CDKN2B: variants seen among roughly 807,000 people sequenced by gnomAD.
The protein encoded by CDKN2B is cyclin-dependent kinase 4 inhibitor B.
In CDKN2B, 8 loss-of-function variants were observed where a neutral mutation model predicts 7.7. That is an observed-to-expected ratio of 1.04 (90% CI 0.61 to 1.87). The LOEUF is 1.87. CDKN2B is among the 40% of genes most tolerant of loss of function. The pLI, the probability that CDKN2B is intolerant of heterozygous loss-of-function variation, is 0.00. For missense variants in CDKN2B, 244 were observed against 213.1 expected (o/e 1.15, Z -0.90); for synonymous variants, 93 against 95.8 (o/e 0.97, Z 0.17).
Position 22,004,141 on chromosome 9 carries a change from A to G in CDKN2B, c.*1846T>C, listed in dbSNP as rs1365669308. 8.6e-6 allele frequency: 2 copies of G among 232,396 alleles called. No individual in the cohort carries two copies. The highest frequency in any genetic ancestry group is 2.2e-5 in the African/African-American group (1 of 45,338). The allele number at this position is 232,396 out of a possible 1,614,324, so 14.4% of individuals were successfully genotyped here. A position where few individuals can be genotyped will look rare whatever the true frequency, so the allele number is the denominator to read the frequency against. ...ATATATTTTAATGCATACCTGGTAC[A>G]GATTATGTGTCAATAAACATATCCT... On this transcript the variant is annotated 3_prime_UTR_variant, in exon 2 of 2. Transcript: ENST00000276925.
rs142570894 is a variant in CDKN2B at position 22,006,155 on chromosome 9, C to A, written c.249G>T (p.Pro83=). The A allele has an allele frequency of 1.3e-5, 21 of 1,611,652 alleles. No homozygotes were observed. The highest frequency in any genetic ancestry group is 1.7e-5 in the Non-Finnish European group (20 of 1,179,864). Residue 83 remains proline, a synonymous_variant, in exon 2 of 2, where the codon CCG becomes CCT. Transcript: ENST00000276925. This position sits in a 1 kb window ranked among gnomAD's most constrained non-coding sequence, Gnocchi z 6.4. ...NCADPATLTR[P]VHDAAREGFL... ...AGCCCTCCCGGGCAGCATCATGCAC[C>A]GGTCGGGTGAGAGTGGCAGGGTCTG...
chr9:22,004,452 A>G lies in CDKN2B; in HGVS notation c.*1535T>C. The G allele has an allele frequency of 4.3e-6, 1 of 232,594 alleles. No homozygotes were observed. 14.4% of individuals were successfully genotyped at this position (232,594 alleles called of 1,614,324 possible). ...TGAATTGCTGGTATTGCTTATGAGCAATTATTACAAACATTGAGAGAAGGG... is the reference window on the plus strand; with the variant it reads ...TGAATTGCTGGTATTGCTTATGAGCGATTATTACAAACATTGAGAGAAGGG... On this transcript the variant is annotated 3_prime_UTR_variant, in exon 2 of 2. Coordinates refer to ENST00000276925, the MANE Select transcript of CDKN2B (RefSeq NM_004936.4).
In CDKN2B at chr9:22,003,669, T is replaced by A. The variant is rs1240933995; in HGVS notation, c.*2318A>T. Reference sequence around the variant, plus strand: ...AGTGCTTAAGTGATAACTAGAAATATATTTTCTGTCCCTGTGCTTCAGTTT... The same window carrying A: ...AGTGCTTAAGTGATAACTAGAAATAAATTTTCTGTCCCTGTGCTTCAGTTT... On this transcript the variant is annotated 3_prime_UTR_variant, in exon 2 of 2. Coordinates refer to ENST00000276925, the MANE Select transcript of CDKN2B (RefSeq NM_004936.4). The A allele has an allele frequency of 1.7e-5, 4 of 230,840 alleles. No individual in the cohort carries two copies. In the Admixed American group the frequency reaches 2.3e-4, roughly 13 times the overall value. The allele number at this position is 230,840 out of a possible 1,614,324, so 14.3% of individuals were successfully genotyped here. A position where few individuals can be genotyped will look rare whatever the true frequency, so the allele number is the denominator to read the frequency against.
In CDKN2B at chr9:22,005,418, T is replaced by C. The variant is rs1025941833; in HGVS notation, c.*569A>G. 4.0e-6 allele frequency: 1 copy of C among 247,096 alleles called. No homozygotes were observed. The highest frequency in any genetic ancestry group is 7.9e-6 in the Non-Finnish European group (1 of 126,268). 15.3% of individuals were successfully genotyped at this position (247,096 alleles called of 1,614,324 possible). Reference sequence around the variant, plus strand: ...TGTCGTTTACGCATGTGACTTGCCATGCGCTCAAACTAAAGCGCCGCCGGG... The same window carrying C: ...TGTCGTTTACGCATGTGACTTGCCACGCGCTCAAACTAAAGCGCCGCCGGG... On this transcript the variant is annotated 3_prime_UTR_variant, in exon 2 of 2. Coordinates refer to ENST00000276925, the MANE Select transcript of CDKN2B (RefSeq NM_004936.4). The surrounding 1 kb of genome is among the most constrained non-coding windows in gnomAD (Gnocchi z 4.9).
rs2131190820 is a variant in CDKN2B at position 22,008,948 on chromosome 9, G to C, written c.6C>G (p.Arg2=). The C allele has an allele frequency of 6.2e-7, 1 of 1,612,934 alleles. No homozygotes were observed. Among genetic ancestry groups the C allele is most frequent in the Non-Finnish European group, 8.5e-7 (1 of 1,179,952 alleles). The change falls in exon 1 of 2, where the codon CGC becomes CGG. Residue 2 remains arginine (R), a synonymous_variant. Coordinates refer to ENST00000276925, the MANE Select transcript of CDKN2B (RefSeq NM_004936.4). The part of the protein sequence containing the change: M[R]EENKGMPSGG... ...CACTGGGCATGCCCTTGTTCTCCTCGCGCATTCCGCAGCCCCCAGACGCGC... is the reference window on the plus strand; with the variant it reads ...CACTGGGCATGCCCTTGTTCTCCTCCCGCATTCCGCAGCCCCCAGACGCGC...
Position 22,006,089 on chromosome 9 carries a change from C to G in CDKN2B, c.315G>C (p.Arg105=). The G allele has an allele frequency of 6.2e-7, 1 of 1,607,960 alleles. No homozygotes were observed. Residue 105 remains arginine (R), a synonymous_variant, in exon 2 of 2, where the codon CGG becomes CGC. Transcript: ENST00000276925. This position sits in a 1 kb window ranked among gnomAD's most constrained non-coding sequence, Gnocchi z 6.4. ...TLVVLHRAGA[R]LDVRDAWGRL... ...GACCCCAGGCATCGCGCACGTCCAG[C>G]CGCGCCCCGGCCCGGTGCAGCACCA...
intron 1 of CDKN2B, among the ~76,000 whole-genome samples, chr9:22,007,561 G>C (rs1406582023): frequency 6.6e-6 from 1 of 152,104 alleles, no homozygotes; most frequent in East Asian, 1.9e-4. Flanking sequence ...CTAAAATCGA[G>C]TTATTTGTTA....
chr9:22,007,349 G>A (rs550327973), intron 1 of CDKN2B, among the ~76,000 whole-genome samples: 1 of 126,928 alleles, frequency 7.9e-6, no homozygotes, highest in Admixed American at 8.8e-5. Flanking sequence ...ACAGAGTGAG[G>A]CCTCATCTCA....
In CDKN2B at chr9:22,003,082, T is replaced by C. The variant is rs1820993230; in HGVS notation, c.*2905A>G. ...AGGACTCATGAAAATAGTAACTATATGTTTTGCATGTATCCTTCAAAGTGA... is the reference window on the plus strand; with the variant it reads ...AGGACTCATGAAAATAGTAACTATACGTTTTGCATGTATCCTTCAAAGTGA... On this transcript the variant is annotated 3_prime_UTR_variant, in exon 2 of 2. Transcript: ENST00000276925. 1 of 213,026 alleles carries C rather than the reference T, an allele frequency of 4.7e-6. No homozygotes were observed. Among genetic ancestry groups the C allele is most frequent in the African/African-American group, 2.3e-5 (1 of 44,246 alleles). 13.2% of individuals were successfully genotyped at this position (213,026 alleles called of 1,614,324 possible).
chr9:22,008,826 A>T lies in CDKN2B; in HGVS notation c.128T>A (p.Val43Asp), dbSNP rs1272001131. The change falls in exon 1 of 2, where the codon GTC becomes GAC. Residue 43 changes from valine to aspartate, a missense_variant. Transcript: ENST00000276925. ...LLEAGADPNGVNRFGRRAIQV... is the reference protein window; with the variant it reads ...LLEAGADPNGDNRFGRRAIQV... ...GATCGCGCGCCTCCCGAAACGGTTG[A>T]CTCCGTTGGGATCCGCGCCGGCTTC... 3.7e-6 allele frequency: 6 copies of T among 1,607,920 alleles called. No individual in the cohort carries two copies. The highest frequency in any genetic ancestry group is 5.1e-6 in the Non-Finnish European group (6 of 1,177,376).
rs1157995763 is a variant in CDKN2B at position 22,005,936 on chromosome 9, G to A, written c.*51C>T. ...TCATCGAATTAGGTGGGTGGGGGTG[G>A]GAAATTGGGTAAGAAAATAAAGTCG... is the stretch of plus-strand genomic sequence containing the variant. On this transcript the variant is annotated 3_prime_UTR_variant, in exon 2 of 2. Transcript: ENST00000276925. The surrounding 1 kb of genome is among the most constrained non-coding windows in gnomAD (Gnocchi z 4.9). 1 of 1,592,744 alleles carries A rather than the reference G, an allele frequency of 6.3e-7. No individual in the cohort carries two copies. Among genetic ancestry groups the A allele is most frequent in the East Asian group, 2.2e-5 (1 of 44,694 alleles).
In CDKN2B at chr9:22,005,360, A is replaced by C. The variant is rs1230485888; in HGVS notation, c.*627T>G. On this transcript the variant is annotated 3_prime_UTR_variant, in exon 2 of 2. Coordinates refer to ENST00000276925, the MANE Select transcript of CDKN2B (RefSeq NM_004936.4). The surrounding 1 kb of genome is among the most constrained non-coding windows in gnomAD (Gnocchi z 4.9). ...CTCTTACCCCTCTGCTATCTGGTGG[A>C]GTTGGGCGAGGGTCTCCAGGGCTTC... is the stretch of plus-strand genomic sequence containing the variant. 2 of 241,970 alleles carry C rather than the reference A, an allele frequency of 8.3e-6. No individual in the cohort carries two copies. Among genetic ancestry groups the C allele is most frequent in the Non-Finnish European group, 1.6e-5 (2 of 123,302 alleles). The allele number at this position is 241,970 out of a possible 1,614,324, so 15.0% of individuals were successfully genotyped here.
intron 1 of CDKN2B, 99 bp downstream of exon 1, chr9:22,008,697 TAC>T: frequency 6.2e-7 from 1 of 1,611,166 alleles, no homozygotes; most frequent in Non-Finnish European, 8.5e-7. Context: ...GAGACTCCTG[TAC>T]AAATCTACAT....
chr9:22,006,121 T>A lies in CDKN2B; in HGVS notation c.283A>T (p.Thr95Ser), dbSNP rs1357609907. The A allele has an allele frequency of 1.2e-6, 2 of 1,610,898 alleles. No homozygotes were observed. The highest frequency in any genetic ancestry group is 1.7e-6 in the Non-Finnish European group (2 of 1,179,820). Residue 95 changes from threonine to serine, a missense_variant, in exon 2 of 2, where the codon ACG becomes TCG. By Grantham distance (58) the Thr-to-Ser change is moderately conservative. Transcript: ENST00000276925. The surrounding 1 kb of genome is among the most constrained non-coding windows in gnomAD (Gnocchi z 6.4). ...CCGGCCCGGTGCAGCACCACCAGCG[T>A]GTCCAGGAAGCCCTCCCGGGCAGCA... ...HDAAREGFLD[T>S]LVVLHRAGAR...
rs1821168476 is a variant in CDKN2B at position 22,006,097 on chromosome 9, C to CG, written c.306dup (p.Gly103ArgfsTer60). ...GCATCGCGCACGTCCAGCCGCGCCCCGGCCCGGTGCAGCACCACCAGCGTG... is the reference window on the plus strand; with the variant it reads ...GCATCGCGCACGTCCAGCCGCGCCCCGGGCCCGGTGCAGCACCACCAGCGTG... On this transcript the variant is annotated frameshift_variant, in exon 2 of 2. Coordinates refer to ENST00000276925, the MANE Select transcript of CDKN2B (RefSeq NM_004936.4). LOFTEE classifies it high-confidence loss of function. This position sits in a 1 kb window ranked among gnomAD's most constrained non-coding sequence, Gnocchi z 6.4. 2 of 1,609,008 alleles carry CG rather than the reference C, an allele frequency of 1.2e-6. No homozygotes were observed. Among genetic ancestry groups the CG allele is most frequent in the African/African-American group, 1.3e-5 (1 of 75,070 alleles).
At position 22,005,331 on chromosome 9, in the gene CDKN2B, T is replaced by G. The variant is rs3217986; in HGVS notation, c.*656A>C. On this transcript the variant is annotated 3_prime_UTR_variant, in exon 2 of 2. Coordinates refer to ENST00000276925, the MANE Select transcript of CDKN2B (RefSeq NM_004936.4). This position sits in a 1 kb window ranked among gnomAD's most constrained non-coding sequence, Gnocchi z 4.9. ...TTTAGCATCTGTCGTCGCTTGCACA[T>G]CCTCTCTTACCCCTCTGCTATCTGG... The G allele has an allele frequency of 0.088, 20,877 of 238,184 alleles. 1,450 individuals are homozygous for G. Among genetic ancestry groups the G allele is most frequent in the Admixed American group, 0.25 (4,710 of 18,840 alleles). The allele number at this position is 238,184 out of a possible 1,614,324, so 14.8% of individuals were successfully genotyped here.
chr9:22,003,214 G>A lies in CDKN2B; in HGVS notation c.*2773C>T, dbSNP rs1042183106. 1 of 217,242 alleles carries A rather than the reference G, an allele frequency of 4.6e-6. No individual in the cohort carries two copies. The highest frequency in any genetic ancestry group is 9.2e-6 in the Non-Finnish European group (1 of 108,268). 13.5% of individuals were successfully genotyped at this position (217,242 alleles called of 1,614,324 possible). A position where few individuals can be genotyped will look rare whatever the true frequency, so the allele number is the denominator to read the frequency against. Reference sequence around the variant, plus strand: ...ATTAATTTTTACATGGCATTGATAAGTTACTATTTCAATACAACCAGGTGG... The same window carrying A: ...ATTAATTTTTACATGGCATTGATAAATTACTATTTCAATACAACCAGGTGG... On this transcript the variant is annotated 3_prime_UTR_variant, in exon 2 of 2. Transcript: ENST00000276925.
Position 22,008,909 on chromosome 9 carries a change from A to G in CDKN2B, c.45T>C (p.Asp15=). Residue 15 remains aspartate, a synonymous_variant, in exon 1 of 2, where the codon GAT becomes GAC. Transcript: ENST00000276925. ...NKGMPSGGGS[D]EGLASAAARG... is the part of the protein sequence containing the mutation. ...GCGCCGCGGCGCTGGCCAGACCCTC[A>G]TCGCTGCCGCCCCCACTGGGCATGC... The G allele has an allele frequency of 6.2e-7, 1 of 1,612,870 alleles. No homozygotes were observed. Among genetic ancestry groups the G allele is most frequent in the South Asian group, 1.1e-5 (1 of 91,066 alleles).
rs1184526762 is a variant in CDKN2B at position 22,004,024 on chromosome 9, A to C, written c.*1963T>G. On this transcript the variant is annotated 3_prime_UTR_variant, in exon 2 of 2. Coordinates refer to ENST00000276925, the MANE Select transcript of CDKN2B (RefSeq NM_004936.4). ...TGCATCCATGGAATGAATATCTTGT[A>C]ACCTTTGGCAAGTTACTTGATATTT... is the stretch of plus-strand genomic sequence containing the variant. 6 of 232,672 alleles carry C rather than the reference A, an allele frequency of 2.6e-5. No homozygotes were observed. Among genetic ancestry groups the C allele is most frequent in the Non-Finnish European group, 5.1e-5 (6 of 117,784 alleles). The allele number at this position is 232,672 out of a possible 1,614,324, so 14.4% of individuals were successfully genotyped here. A position where few individuals can be genotyped will look rare whatever the true frequency, so the allele number is the denominator to read the frequency against.
Sources: allele counts gnomAD v4.1 joint callset (sites outside exome capture counted in the v4.1 genomes callset), GRCh38; gene constraint gnomAD v4.1.1; non-coding constraint Gnocchi (gnomAD v3.1); transcripts MANE v1.5; gene names NCBI Gene and HGNC (gene_info 2026-07-23, HGNC 2026-07-21).